FYB2: variants seen among roughly 807,000 people sequenced by gnomAD.
FYB2 encodes the protein FYN-binding protein 2.
Under a neutral mutation model 94.1 loss-of-function variants are expected in FYB2, and 103 were observed. That is an observed-to-expected ratio of 1.09 (90% confidence interval 0.93 to 1.29). FYB2 has a LOEUF of 1.29. Ranked by LOEUF, FYB2 falls within the 50% of genes most tolerant of loss-of-function variation. The pLI is 0.00. For missense variants in FYB2, 896 were observed against 841.5 expected, an observed-to-expected ratio of 1.06 and a Z score of -0.80; for synonymous variants, 293 against 287.9, an observed-to-expected ratio of 1.02 and a Z score of -0.18.
In FYB2 at chr1:56,720,227, C is replaced by T. The variant is rs761792933; in HGVS notation, c.2077G>A (p.Val693Ile). 3 of 1,612,218 alleles carry T rather than the reference C, an allele frequency of 1.9e-6. No individual in the cohort carries two copies. The highest frequency in any genetic ancestry group is 2.5e-6 in the Non-Finnish European group (3 of 1,179,010). The part of the protein sequence containing the change: ...LPISPGEELE[V>I]IDTTEQNLVI... ...AGATTTTGTTCGGTGGTATCAATGA[C>T]TTCCAATTCTTCTCCAGGACTTATT... Residue 693 changes from valine to isoleucine, a missense_variant, in exon 18 of 20, where the codon GTC becomes ATC. Transcript: ENST00000343433.
chr1:56,740,868 A>T (rs1644936332), intron 12 of FYB2, 73 bp from the exon 13 acceptor site: 5 of 971,348 alleles, frequency 5.1e-6, no homozygotes, highest in Non-Finnish European at 7.6e-6. Context: ...GTTGTATTAT[A>T]AAATCAAATG....
intron 4 of FYB2, among the ~76,000 whole-genome samples, chr1:56,780,275 A>G (rs763512807): frequency 4.6e-5 from 7 of 152,124 alleles, no homozygotes. Context: ...TTAGTTCCAA[A>G]ACCTTTCATA....
At chr1:56,788,756 C>G in intron 3 of FYB2, 1 of 589,578 alleles carries the variant, frequency 1.7e-6, no homozygotes, top group South Asian at 2.1e-5. Flanking sequence ...AAATGCAGTG[C>G]TCTCAGGGGA....
At chr1:56,792,025 G>A (rs775229740) in intron 2 of FYB2, 31 bp downstream of exon 2, 1 of 1,534,804 alleles carries the variant, frequency 6.5e-7, no homozygotes, top group Non-Finnish European at 8.7e-7. Flanking sequence ...CACCTCCCTA[G>A]CCCCTGTCCC....
intron 1 of FYB2, among the ~76,000 whole-genome samples, chr1:56,812,921 GT>G (rs1646799840): frequency 6.6e-6 from 1 of 152,222 alleles, no homozygotes; most frequent in Non-Finnish European, 1.5e-5. Flanking sequence ...CACAGACTAT[GT>G]GGCTTCAACA....
chr1:56,790,045 A>G (rs577001299), intron 2 of FYB2, among the ~76,000 whole-genome samples: 1 of 152,324 alleles, frequency 6.6e-6, no homozygotes, highest in South Asian at 2.1e-4. Context: ...ACTCCAACAG[A>G]AAGTCCAATA....
In FYB2 at chr1:56,726,550, C is replaced by T. The variant is rs1354269669; in HGVS notation, c.1827G>A (p.Lys609=). Residue 609 remains lysine (K), a synonymous_variant, in exon 16 of 20, where the codon AAG becomes AAA. Transcript: ENST00000343433. The stretch of plus-strand genomic sequence containing the variant: ...CTTTTTTTTCCTTTGGTGTCAGAAA[C>T]TTGGGCTTCCACATTTTCAGTTTAT... The part of the protein sequence containing the change: ...DEDKLKMWKP[K]FLTPKEKKEK... 4.3e-6 allele frequency: 7 copies of T among 1,611,918 alleles called. No homozygotes were observed. The highest frequency in any genetic ancestry group is 2.7e-5 in the African/African-American group (2 of 74,734).
chr1:56,767,155 T>C (rs945931326), intron 5 of FYB2, among the ~76,000 whole-genome samples: 1 of 152,182 alleles, frequency 6.6e-6, no homozygotes, highest in Admixed American at 6.5e-5. Context: ...AATACTAGTG[T>C]TTATTCCAGC....
At chr1:56,787,504 A>G (rs555763667) in intron 3 of FYB2, among the ~76,000 whole-genome samples, 1 of 152,350 alleles carries the variant, frequency 6.6e-6, no homozygotes, top group Non-Finnish European at 1.5e-5. Flanking sequence ...TCTCATTTCC[A>G]TCACAGGACA....
chr1:56,730,906 A>G (rs1644693743), intron 15 of FYB2, among the ~76,000 whole-genome samples: 1 of 152,134 alleles, frequency 6.6e-6, no homozygotes, highest in African/African-American at 2.4e-5. Flanking sequence ...CAAACTCAAT[A>G]CAACAGCACA....
intron 16 of FYB2, among the ~76,000 whole-genome samples, chr1:56,723,934 C>G (rs1177261551): frequency 2.0e-5 from 3 of 151,918 alleles, no homozygotes; most frequent in Non-Finnish European, 2.9e-5. Flanking sequence ...AGGGTAATGT[C>G]AATTGCTTTT....
chr1:56,804,353 T>A (rs922056901), intron 1 of FYB2, among the ~76,000 whole-genome samples: 1 of 152,188 alleles, frequency 6.6e-6, no homozygotes, highest in Non-Finnish European at 1.5e-5. Flanking sequence ...TCTGGAGTAA[T>A]AACCTCCTGA....
rs1644436151 is a variant in FYB2, at chr1:56,718,905, GA to G, written c.*765del. On this transcript the variant is annotated 3_prime_UTR_variant, in exon 20 of 20. Coordinates refer to ENST00000343433, the MANE Select transcript of FYB2 (RefSeq NM_001004303.5). ...AATTTTTATTTAATTCCATATAAAT[GA>G]AAGTACATATGAATGCTATTATTTG... is the stretch of plus-strand genomic sequence containing the variant. The G allele has an allele frequency of 6.6e-6, 1 of 152,494 alleles. No homozygotes were observed. The highest frequency in any genetic ancestry group is 6.6e-5 in the Admixed American group (1 of 15,248). The allele number at this position is 152,494 out of a possible 1,614,324, so 9.4% of individuals were successfully genotyped here.
chr1:56,778,647 A>G (rs1409527056), intron 4 of FYB2, among the ~76,000 whole-genome samples: 1 of 152,192 alleles, frequency 6.6e-6, no homozygotes, highest in African/African-American at 2.4e-5. Flanking sequence ...TAAAAAATAA[A>G]TCAATCAAAT....
chr1:56,808,276 C>T (rs1646690402), intron 1 of FYB2, among the ~76,000 whole-genome samples: 1 of 152,148 alleles, frequency 6.6e-6, no homozygotes, highest in Admixed American at 6.5e-5. Context: ...GACCCACTGA[C>T]CTTGATCCCC....
At chr1:56,749,057 T>G (rs1340304260) in intron 9 of FYB2, among the ~76,000 whole-genome samples, 2 of 150,274 alleles carry the variant, frequency 1.3e-5, no homozygotes, top group Non-Finnish European at 3.0e-5. Context: ...TCAGTTGTGT[T>G]TTTTTTTTTT....
intron 8 of FYB2, among the ~76,000 whole-genome samples, chr1:56,752,451 T>C (rs1250066961): frequency 6.6e-6 from 1 of 152,032 alleles, no homozygotes; most frequent in Non-Finnish European, 1.5e-5. Context: ...TTGAAAGTAC[T>C]TGGGAAAAGC....
At chr1:56,806,668 A>T (rs1296007937) in intron 1 of FYB2, among the ~76,000 whole-genome samples, 5 of 152,204 alleles carry the variant, frequency 3.3e-5, no homozygotes, top group Non-Finnish European at 7.3e-5. Context: ...AGAACCCCCA[A>T]AGCAAAGTGA....
upstream of FYB2, chr1:56,824,407 G>A (rs1017796141): frequency 3.9e-5 from 6 of 152,124 alleles, no homozygotes; most frequent in Admixed American, 6.5e-5. Context: ...ATCTCTTAAG[G>A]TTCAACATAA....
Sources: allele counts gnomAD v4.1 joint callset (sites outside exome capture counted in the v4.1 genomes callset), GRCh38; gene constraint gnomAD v4.1.1; transcripts MANE v1.5; gene names NCBI Gene and HGNC (gene_info 2026-07-23, HGNC 2026-07-21).